CTNNA2: variants seen among roughly 807,000 people sequenced by gnomAD.
CTNNA2 encodes catenin alpha-2.
Under a neutral mutation model 101.0 loss-of-function variants are expected in CTNNA2, and 42 were observed. The ratio of observed to expected loss-of-function variants is 0.42; its 90% CI spans 0.32 to 0.54. CTNNA2 has a LOEUF of 0.54. Among genes scored for constraint, CTNNA2 ranks in the 20% least tolerant of loss-of-function variants. The probability of loss-of-function intolerance (pLI) is 0.14; values close to 1 mark genes in which losing one functional copy is unlikely to be tolerated. For missense variants in CTNNA2, 871 were observed against 1,223.1 expected (o/e 0.71, Z 4.29); for synonymous variants, 450 against 456.4 (o/e 0.99, Z 0.18).
chr2:80,121,250 T>C (rs889965322), intron 7 of CTNNA2, among the ~76,000 whole-genome samples: 7 of 152,200 alleles, frequency 4.6e-5, no homozygotes, highest in African/African-American at 1.4e-4. Flanking sequence ...AGATATAGAT[T>C]AGAATTTCAG....
chr2:79,471,376 T>C (rs1240390671), intron 4 of CTNNA2, among the ~76,000 whole-genome samples: 1 of 152,188 alleles, frequency 6.6e-6, no homozygotes, highest in African/African-American at 2.4e-5. Context: ...TGTTTGGGTT[T>C]GGATGAGGGT....
chr2:79,584,977 G>C (rs892859146), intron 1 of CTNNA2, among the ~76,000 whole-genome samples: 4 of 152,196 alleles, frequency 2.6e-5, no homozygotes, highest in Admixed American at 2.0e-4. Context: ...TTGGGGAAAA[G>C]TGTTCCTACT....
chr2:79,577,265 G>A (rs1334772106), intron 1 of CTNNA2, among the ~76,000 whole-genome samples: 6 of 152,024 alleles, frequency 3.9e-5, no homozygotes, highest in African/African-American at 7.2e-5. Flanking sequence ...AATAAATGAC[G>A]TATGTTAACT....
chr2:80,303,821 A>C lies in CTNNA2; in HGVS notation c.1057-89390A>C, dbSNP rs1676627771. ...GAGACCGAGCAGCAGGAAATCCATT[A>C]GCGAGAATCTTTCCAGAGAGACTGG... On this transcript the variant is annotated intron_variant, in intron 7 of 18. Transcript: ENST00000402739. This position sits in a 1 kb window ranked among gnomAD's most constrained non-coding sequence, Gnocchi z 7.7. The C allele has an allele frequency of 1.3e-6, 2 of 1,506,006 alleles. No individual in the cohort carries two copies. The highest frequency in any genetic ancestry group is 1.8e-6 in the Non-Finnish European group (2 of 1,127,458). 93.3% of individuals were successfully genotyped at this position (1,506,006 alleles called of 1,614,324 possible).
At position 80,570,682 on chromosome 2, in the gene CTNNA2, AT is replaced by A. The variant is rs926453809; in HGVS notation, c.1742-3480del. On this transcript the variant is annotated intron_variant, in intron 12 of 18. Coordinates refer to ENST00000402739, the MANE Select transcript of CTNNA2 (RefSeq NM_001282597.3). ...TGCACTCTGAGCCTCTATTTTAAAA[AT>A]AAAGAACTTGTACCCTCTCCCCTAT... Among the ~76,000 whole-genome samples the A allele has an allele frequency of 2.9e-3, 438 of 152,254 alleles. 1 individual carries two copies. Among genetic ancestry groups the A allele is most frequent in the Middle Eastern group, 0.027 (8 of 294 alleles).
At chr2:79,462,517 A>G (rs990264497) in intron 4 of CTNNA2, among the ~76,000 whole-genome samples, 1 of 152,210 alleles carries the variant, frequency 6.6e-6, no homozygotes, top group African/African-American at 2.4e-5. Flanking sequence ...TTTTGGCACA[A>G]TATTTTTCTA....
intron 7 of CTNNA2, among the ~76,000 whole-genome samples, chr2:79,913,828 T>A (rs1685982651): frequency 6.6e-6 from 1 of 152,098 alleles, no homozygotes; most frequent in South Asian, 2.1e-4. Flanking sequence ...ATATCTTCAT[T>A]TGGTTTTGGT....
chr2:80,008,280 A>T (rs1049128446), intron 7 of CTNNA2, among the ~76,000 whole-genome samples: 3 of 152,148 alleles, frequency 2.0e-5, no homozygotes, highest in Non-Finnish European at 2.9e-5. Flanking sequence ...ATGTTTCCTT[A>T]TCGCTCCCGC....
At chr2:79,501,286 A>T (rs969129813) in intron 4 of CTNNA2, among the ~76,000 whole-genome samples, 1 of 152,140 alleles carries the variant, frequency 6.6e-6, no homozygotes, top group African/African-American at 2.4e-5. Flanking sequence ...CTGTTTATTT[A>T]TTTATTTGTT....
At chr2:80,163,580 T>C (rs1704474178) in intron 7 of CTNNA2, among the ~76,000 whole-genome samples, 3 of 152,144 alleles carry the variant, frequency 2.0e-5, no homozygotes, top group Admixed American at 2.0e-4. Context: ...TGTATTCTGC[T>C]ATTGCTGGGT....
chr2:80,292,941 T>A (rs1231213645), intron 7 of CTNNA2, among the ~76,000 whole-genome samples: 1 of 152,112 alleles, frequency 6.6e-6, no homozygotes, highest in South Asian at 2.1e-4. Flanking sequence ...TGAAATAATA[T>A]GCAAAAAAGA....
chr2:80,120,835 G>T (rs1701789883), intron 7 of CTNNA2, among the ~76,000 whole-genome samples: 1 of 152,174 alleles, frequency 6.6e-6, no homozygotes, highest in African/African-American at 2.4e-5. Context: ...GGTTGGTTCA[G>T]AGTAGGAACC....
chr2:79,766,912 T>G (rs144919163), intron 3 of CTNNA2, among the ~76,000 whole-genome samples: 2,651 of 152,010 alleles, frequency 0.017, 56 homozygotes, highest in African/African-American at 0.059. Flanking sequence ...CGCGCCACCA[T>G]GCCCAGCTAT....
At chr2:80,486,104 T>A (rs1199048338) in intron 9 of CTNNA2, among the ~76,000 whole-genome samples, 1 of 152,222 alleles carries the variant, frequency 6.6e-6, no homozygotes, top group Non-Finnish European at 1.5e-5. Context: ...TACATAGTTA[T>A]GCTCTTATAA....
chr2:79,241,224 T>C (rs1474297763), intron 2 of CTNNA2, among the ~76,000 whole-genome samples: 2 of 152,210 alleles, frequency 1.3e-5, no homozygotes, highest in African/African-American at 4.8e-5. Flanking sequence ...TATAAACAAG[T>C]GCATTTTTTT....
intron 7 of CTNNA2, among the ~76,000 whole-genome samples, chr2:79,928,614 C>T (rs1342149767): frequency 6.6e-6 from 1 of 152,144 alleles, no homozygotes; most frequent in African/African-American, 2.4e-5. Flanking sequence ...CTATTACCTA[C>T]CACTGGAAAA....
At chr2:79,825,466 G>GA (rs566201197) in intron 3 of CTNNA2, among the ~76,000 whole-genome samples, 3,184 of 149,862 alleles carry the variant, frequency 0.021, 146 homozygotes, top group African/African-American at 0.073. Flanking sequence ...GTTGCGAGGG[G>GA]AAAAAAAAAT....
rs140358089 is a variant in CTNNA2 at position 80,422,774 on chromosome 2, A to T, written c.1290+3173A>T. Among the ~76,000 whole-genome samples, 653 of 151,990 alleles carry T rather than the reference A, an allele frequency of 4.3e-3. 5 individuals are homozygous for T. The highest frequency in any genetic ancestry group is 0.015 in the African/African-American group (633 of 41,464). On this transcript the variant is annotated intron_variant, in intron 9 of 18. Transcript: ENST00000402739. ...CTTTCCCTTAAAAAATGAATTGAAAATTTTTTCTTCCTTCTATTTTTTGGA... is the reference window on the plus strand; with the variant it reads ...CTTTCCCTTAAAAAATGAATTGAAATTTTTTTCTTCCTTCTATTTTTTGGA...
At chr2:80,422,809 A>G (rs1301661467) in intron 9 of CTNNA2, among the ~76,000 whole-genome samples, 2 of 152,200 alleles carry the variant, frequency 1.3e-5, no homozygotes, top group African/African-American at 4.8e-5. Flanking sequence ...AAGTGAATGT[A>G]TAAGATGAGC....
Sources: gnomAD v4.1 joint callset for allele counts (sites outside exome capture counted in the v4.1 genomes callset) on GRCh38, gnomAD v4.1.1 for gene constraint, Gnocchi (gnomAD v3.1) non-coding constraint, MANE v1.5 for transcripts, NCBI Gene and HGNC (gene_info 2026-07-23, HGNC 2026-07-21) for gene names.